Variants in LRRD1 observed in about 807,000 individuals in gnomAD.
LRRD1 encodes leucine rich repeats and death domain containing 1, also known as leucine-rich repeat and death domain-containing protein 1.
Under a neutral mutation model 69.5 loss-of-function variants are expected in LRRD1, and 49 were observed. The ratio of observed to expected loss-of-function variants is 0.70; its 90% confidence interval spans 0.56 to 0.89. The LOEUF (loss-of-function observed/expected upper bound fraction) is 0.89, where lower values mean the gene tolerates loss of function less well. Ranked by LOEUF, LRRD1 falls within the 40% of genes least tolerant of loss-of-function variation. The pLI, the probability that LRRD1 is intolerant of heterozygous loss-of-function variation, is 0.00. For missense variants in LRRD1, 853 were observed against 956.0 expected, an observed-to-expected ratio of 0.89 and a Z score of 1.42; for synonymous variants, 303 against 338.9, an observed-to-expected ratio of 0.89 and a Z score of 1.16.
At chr7:92,160,016 C>CA (rs1405279624) in intron 2 of LRRD1, among the ~76,000 whole-genome samples, 19 of 152,242 alleles carry the variant, frequency 1.2e-4, no homozygotes, top group Admixed American at 1.2e-3. Flanking sequence ...TTTCCAAGCA[C>CA]AAAATGCATT....
In LRRD1 at chr7:92,164,465, A is replaced by G; in HGVS notation, c.738T>C (p.Ile246=). 2 of 1,549,994 alleles carry G rather than the reference A, an allele frequency of 1.3e-6. No homozygotes were observed. Among genetic ancestry groups the G allele is most frequent in the Non-Finnish European group, 8.7e-7 (1 of 1,146,282 alleles). The change falls in exon 2 of 6, where the codon ATT becomes ATC. Residue 246 remains isoleucine (I), a synonymous_variant. Coordinates refer to ENST00000458448, the MANE Select transcript of LRRD1 (RefSeq NM_001161528.2). ...IRQLFFYNNY[I]ENFPSDLECL... The stretch of plus-strand genomic sequence containing the variant: ...ATTCTAAGTCAGAAGGAAAATTTTC[A>G]ATGTAATTGTTATAAAAAAAGAGTT...
chr7:92,158,775 A>C (rs2130999593), intron 3 of LRRD1, among the ~76,000 whole-genome samples: 1 of 152,306 alleles, frequency 6.6e-6, no homozygotes, highest in South Asian at 2.1e-4. Context: ...TAGGCAGAGA[A>C]GAGAGAAAAT....
chr7:92,168,660 G>GAA (rs61001338), intron 1 of LRRD1, among the ~76,000 whole-genome samples: 4 of 96,974 alleles, frequency 4.1e-5, no homozygotes, highest in African/African-American at 7.1e-5. Context: ...ACTGAGTGGA[G>GAA]AAAAAAAAAA....
intron 1 of LRRD1, among the ~76,000 whole-genome samples, chr7:92,178,552 C>G (rs1789247391): frequency 6.6e-6 from 1 of 151,716 alleles, no homozygotes; most frequent in Non-Finnish European, 1.5e-5. Flanking sequence ...CGCCTGTAAT[C>G]CTAATTACTC....
Position 92,145,040 on chromosome 7 carries a change from G to A in LRRD1, c.2431C>T (p.Leu811Phe). 6.6e-7 allele frequency: 1 copy of A among 1,513,622 alleles called. No individual in the cohort carries two copies. Among genetic ancestry groups the A allele is most frequent in the Non-Finnish European group, 8.9e-7 (1 of 1,125,026 alleles). 93.8% of individuals were successfully genotyped at this position (1,513,622 alleles called of 1,614,324 possible). A position where few individuals can be genotyped will look rare whatever the true frequency, so the allele number is the denominator to read the frequency against. Residue 811 changes from leucine to phenylalanine, a missense_variant, in exon 6 of 6, where the codon CTT (leucine) becomes TTT (phenylalanine). By Grantham distance (22) the Leu-to-Phe change is conservative (BLOSUM62 0). Around this residue, in one of 3 missense-constraint regions of LRRD1, gnomAD observed 739 missense variants for 808.0 expected, o/e 0.91. Transcript: ENST00000458448. ...TTACTTTGTGTTTTCCATATAACAA[G>A]TGCTTGGTGGGCTCTCTCACTTAAT... is the stretch of plus-strand genomic sequence containing the variant. ...VSLSERAHQA[L>F]VIWKTQSNKL...
At chr7:92,175,354 TA>T (rs1789169207) in intron 1 of LRRD1, among the ~76,000 whole-genome samples, 1 of 151,832 alleles carries the variant, frequency 6.6e-6, no homozygotes, top group Non-Finnish European at 1.5e-5. Context: ...GAGGAAACTT[TA>T]ACAGAGTGCT....
chr7:92,164,203 C>A lies in LRRD1; in HGVS notation c.1000G>T (p.Asp334Tyr), dbSNP rs943142962. The A allele has an allele frequency of 2.6e-6, 4 of 1,549,008 alleles. No homozygotes were observed. In the East Asian group the frequency reaches 9.8e-5, roughly 38 times the overall value. ...GCCAGAAAGGTAAGCTTATTGTGAT[C>A]CATTAAAAGTGTTTCTAAATTTTTA... ...ELKNLETLLM[D>Y]HNKLTFLAVE... Residue 334 changes from aspartate to tyrosine, a missense_variant, in exon 2 of 6, where the codon GAT (aspartate) becomes TAT (tyrosine). By Grantham distance (160) the Asp-to-Tyr change is radical (BLOSUM62 -3). This residue lies in a region of LRRD1 where 739 missense variants were observed against 808.0 expected (regional missense o/e 0.91). Coordinates refer to ENST00000458448, the MANE Select transcript of LRRD1 (RefSeq NM_001161528.2).
At chr7:92,177,576 C>T (rs966387592) in intron 1 of LRRD1, among the ~76,000 whole-genome samples, 1 of 145,478 alleles carries the variant, frequency 6.9e-6, no homozygotes, top group African/African-American at 2.9e-5. Context: ...AGCTCAGCTC[C>T]TTCTGGGCTC....
chr7:92,163,801 TAATTA>T lies in LRRD1; in HGVS notation c.1397_1401del (p.Ile466LysfsTer3). On this transcript the variant is annotated frameshift_variant, in exon 2 of 6. Coordinates refer to ENST00000458448, the MANE Select transcript of LRRD1 (RefSeq NM_001161528.2). LOFTEE classifies it high-confidence loss of function. ...ATTTTGTTATAACTCAATTCAATTT[TAATTA>T]TTTTTTGGCAGTTTTTTATTTCAAT... The T allele has an allele frequency of 2.0e-6, 3 of 1,500,714 alleles. No individual in the cohort carries two copies. Among genetic ancestry groups the T allele is most frequent in the Non-Finnish European group, 8.9e-7 (1 of 1,129,410 alleles). The allele number at this position is 1,500,714 out of a possible 1,614,324, so 93.0% of individuals were successfully genotyped here. A position where few individuals can be genotyped will look rare whatever the true frequency, so the allele number is the denominator to read the frequency against.
In LRRD1 at chr7:92,165,021, C is replaced by G. The variant is rs1383603623; in HGVS notation, c.182G>C (p.Arg61Thr). Residue 61 changes from arginine to threonine, a missense_variant, in exon 2 of 6, where the codon AGA becomes ACA. Arg to Thr is a moderately conservative substitution (Grantham distance 71). This residue lies in a region of LRRD1 where 99 missense variants were observed against 107.0 expected (regional missense o/e 0.92). Coordinates refer to ENST00000458448, the MANE Select transcript of LRRD1 (RefSeq NM_001161528.2). ...AGATGTTGACTCTAATGTATTCTGT[C>G]TAGGATGTGTTTCATAAATCTGGTT... ...SSNQIYETHPRQNTLESTSSS... is the reference protein window; with the variant it reads ...SSNQIYETHPTQNTLESTSSS... The G allele has an allele frequency of 6.4e-7, 1 of 1,551,374 alleles. No homozygotes were observed. The highest frequency in any genetic ancestry group is 8.7e-7 in the Non-Finnish European group (1 of 1,146,888).
intron 1 of LRRD1, among the ~76,000 whole-genome samples, chr7:92,178,052 T>A (rs1230119271): frequency 6.6e-6 from 1 of 152,182 alleles, no homozygotes; most frequent in Non-Finnish European, 1.5e-5. Flanking sequence ...CACAACATTT[T>A]AAAAATGTAT....
chr7:92,142,991 T>G (rs551522775), downstream of LRRD1: 147 of 254,698 alleles, frequency 5.8e-4, no homozygotes, highest in African/African-American at 2.9e-3. Flanking sequence ...TATTCTCTTA[T>G]CTGGCCCCAC....
Position 92,164,008 on chromosome 7 carries a change from A to C in LRRD1, c.1195T>G (p.Cys399Gly). Reference protein sequence around the residue: ...EKISCCAMLECLSLSDNKLTE... With the variant: ...EKISCCAMLEGLSLSDNKLTE... Reference sequence around the variant, plus strand: ...AATTTATTATCACTAAGACTAAGGCATTCCAACATTGCACAGCAAGATATT... The same window carrying C: ...AATTTATTATCACTAAGACTAAGGCCTTCCAACATTGCACAGCAAGATATT... Residue 399 changes from cysteine to glycine, a missense_variant, in exon 2 of 6, where the codon TGC (cysteine) becomes GGC (glycine). Physicochemically the swap from Cys to Gly is radical, Grantham distance 159 (BLOSUM62 -3). This residue lies in a region of LRRD1 where 739 missense variants were observed against 808.0 expected (regional missense o/e 0.91). Transcript: ENST00000458448. 1.3e-6 allele frequency: 2 copies of C among 1,537,924 alleles called. No homozygotes were observed. The highest frequency in any genetic ancestry group is 4.2e-5 in the Admixed American group (2 of 48,054).
chr7:92,145,473 G>GCTGT (rs1466106638), intron 5 of LRRD1, among the ~76,000 whole-genome samples: 1 of 124,368 alleles, frequency 8.0e-6, no homozygotes, highest in Non-Finnish European at 1.6e-5. Context: ...ACAGAGTCTT[G>GCTGT]CTGTCTCCCA....
In LRRD1 at chr7:92,144,849, T is replaced by C; in HGVS notation, c.*39A>G. 8.1e-7 allele frequency: 1 copy of C among 1,227,470 alleles called. No homozygotes were observed. The highest frequency in any genetic ancestry group is 1.5e-5 in the African/African-American group (1 of 66,264). 76.0% of individuals were successfully genotyped at this position (1,227,470 alleles called of 1,614,324 possible). Reference sequence around the variant, plus strand: ...TCACAAACACAGTTTCAATTATAAGTGCATCAAAAGTTTTCAGTTTTTATT... The same window carrying C: ...TCACAAACACAGTTTCAATTATAAGCGCATCAAAAGTTTTCAGTTTTTATT... On this transcript the variant is annotated 3_prime_UTR_variant, in exon 6 of 6. Coordinates refer to ENST00000458448, the MANE Select transcript of LRRD1 (RefSeq NM_001161528.2).
rs1476546060 is a variant in LRRD1, at chr7:92,163,789, T to A, written c.1414A>T (p.Ser472Cys). 9.3e-6 allele frequency: 14 copies of A among 1,504,088 alleles called. No homozygotes were observed. The highest frequency in any genetic ancestry group is 1.2e-5 in the Non-Finnish European group (14 of 1,130,420). 93.2% of individuals were successfully genotyped at this position (1,504,088 alleles called of 1,614,324 possible). ...GGAAAATACATTATTTTGTTATAAC[T>A]CAATTCAATTTTAATTATTTTTTGG... Reference protein sequence around the residue: ...NCQKIIKIELSYNKIMYFPLG... With the variant: ...NCQKIIKIELCYNKIMYFPLG... The change falls in exon 2 of 6, where the codon AGT becomes TGT. Residue 472 changes from serine to cysteine, a missense_variant. By Grantham distance (112) the Ser-to-Cys change is moderately radical. Around this residue, in one of 3 missense-constraint regions of LRRD1, gnomAD observed 739 missense variants for 808.0 expected, o/e 0.91. Transcript: ENST00000458448.
chr7:92,173,378 C>G (rs1297588660), intron 1 of LRRD1, among the ~76,000 whole-genome samples: 1 of 152,076 alleles, frequency 6.6e-6, no homozygotes, highest in Non-Finnish European at 1.5e-5. Context: ...TTCTGCGCAG[C>G]AAAGGAAGCA....
At chr7:92,166,448 C>G (rs1788912525) in intron 1 of LRRD1, among the ~76,000 whole-genome samples, 1 of 152,174 alleles carries the variant, frequency 6.6e-6, no homozygotes, top group South Asian at 2.1e-4. Context: ...GAGGCTAGCA[C>G]TAACCTCAAT....
chr7:92,153,301 G>A (rs1333298228), intron 3 of LRRD1, among the ~76,000 whole-genome samples: 1 of 151,816 alleles, frequency 6.6e-6, no homozygotes, highest in Non-Finnish European at 1.5e-5. Flanking sequence ...CTGACCTCAA[G>A]CGATCCACCT....
Sources: gnomAD v4.1 joint callset for allele counts (sites outside exome capture counted in the v4.1 genomes callset) on GRCh38, gnomAD v4.1.1 for gene constraint, gnomAD v4.1.1 regional missense constraint, MANE v1.5 for transcripts, NCBI Gene and HGNC (gene_info 2026-07-23, HGNC 2026-07-21) for gene names.